Variants in NRXN3 observed in about 807,000 individuals in gnomAD.
NRXN3 encodes the protein neurexin 3, also known as neurexin III.
NRXN3 carries 32 observed loss-of-function variants against 137.6 expected under a neutral mutation model. That is an observed-to-expected ratio of 0.23 (90% CI 0.18 to 0.31). The LOEUF (loss-of-function observed/expected upper bound fraction) is 0.31. NRXN3 is among the 10% of genes least tolerant of loss of function. The probability of loss-of-function intolerance (pLI) is 1.00; values close to 1 mark genes in which losing one functional copy is unlikely to be tolerated. For missense variants in NRXN3, 1,574 were observed against 2,062.5 expected, an observed-to-expected ratio of 0.76 and a Z score of 4.59; for synonymous variants, 798 against 784.5, an observed-to-expected ratio of 1.02 and a Z score of -0.29.
intron 16 of NRXN3, among the ~76,000 whole-genome samples, chr14:79,654,862 T>C (rs975219412): frequency 4.6e-5 from 7 of 152,340 alleles, no homozygotes; most frequent in South Asian, 2.1e-4. Context: ...CCATTTACCT[T>C]GAAGCCATAA....
intron 17 of NRXN3, among the ~76,000 whole-genome samples, chr14:79,679,198 A>T (rs568414886): frequency 5.9e-5 from 9 of 152,234 alleles, no homozygotes; most frequent in African/African-American, 2.2e-4. Context: ...TATGGCACAT[A>T]CAAAAGCATG....
chr14:79,618,054 G>A (rs1029398535), intron 16 of NRXN3, among the ~76,000 whole-genome samples: 14 of 151,924 alleles, frequency 9.2e-5, no homozygotes, highest in Non-Finnish European at 1.6e-4. Context: ...GTTTACTTGG[G>A]TTTTTAATAT....
chr14:79,715,112 C>G (rs1453029553), intron 19 of NRXN3, among the ~76,000 whole-genome samples: 2 of 152,118 alleles, frequency 1.3e-5, no homozygotes, highest in Non-Finnish European at 2.9e-5. Context: ...CACCACCGCA[C>G]CTGGCCAATT....
intron 16 of NRXN3, among the ~76,000 whole-genome samples, chr14:79,512,214 G>A (rs949229628): frequency 2.0e-5 from 3 of 152,112 alleles, no homozygotes; most frequent in East Asian, 1.9e-4. Flanking sequence ...ATAAATAGAT[G>A]TATCAATTGT....
At chr14:79,398,938 A>G (rs57000954) in intron 15 of NRXN3, among the ~76,000 whole-genome samples, 3,068 of 142,138 alleles carry the variant, frequency 0.022, 51 homozygotes, top group East Asian at 0.045. Context: ...TGAACCTGGG[A>G]AGTGGAGTTG....
At chr14:79,343,116 G>A (rs2092697186) in intron 15 of NRXN3, among the ~76,000 whole-genome samples, 1 of 152,042 alleles carries the variant, frequency 6.6e-6, no homozygotes, top group Non-Finnish European at 1.5e-5. Flanking sequence ...TCCTGTGCAA[G>A]GTCTGCAAAA....
At chr14:78,617,916 T>C (rs1263528473) in intron 4 of NRXN3, among the ~76,000 whole-genome samples, 2 of 146,668 alleles carry the variant, frequency 1.4e-5, no homozygotes, top group African/African-American at 5.0e-5. Flanking sequence ...TTGAAAGTAA[T>C]GGCAAAAACC....
intron 4 of NRXN3, among the ~76,000 whole-genome samples, chr14:78,384,351 A>G (rs2366154): frequency 0.98 from 149,211 of 152,112 alleles, 73,224 homozygotes; most frequent in Non-Finnish European, 1. Context: ...ACTCCAAGAT[A>G]AGGAGAGGCT....
chr14:79,119,052 C>T (rs1330366374), intron 15 of NRXN3, among the ~76,000 whole-genome samples: 1 of 152,066 alleles, frequency 6.6e-6, no homozygotes, highest in Non-Finnish European at 1.5e-5. Flanking sequence ...TTTTAAAACC[C>T]AAATTTTGTT....
intron 16 of NRXN3, among the ~76,000 whole-genome samples, chr14:79,592,761 A>C (rs2097819267): frequency 6.6e-6 from 1 of 152,216 alleles, no homozygotes; most frequent in African/African-American, 2.4e-5. Context: ...TTTAATTTAA[A>C]GTATAAGTCA....
At chr14:79,162,297 C>CCAG (rs1256968044) in intron 15 of NRXN3, among the ~76,000 whole-genome samples, 1 of 136,262 alleles carries the variant, frequency 7.3e-6, no homozygotes, top group Non-Finnish European at 1.6e-5. Flanking sequence ...CCCCCCTCCC[C>CCAG]TCACCCCACA....
At chr14:78,750,544 G>A (rs1478624645) in intron 8 of NRXN3, among the ~76,000 whole-genome samples, 1 of 152,166 alleles carries the variant, frequency 6.6e-6, no homozygotes, top group African/African-American at 2.4e-5. Context: ...AATTGAGGAA[G>A]CTGTATGTCA....
chr14:78,984,180 C>T (rs889479412), intron 14 of NRXN3, among the ~76,000 whole-genome samples: 4 of 151,932 alleles, frequency 2.6e-5, no homozygotes, highest in African/African-American at 9.7e-5. Flanking sequence ...CAAATAATAG[C>T]GTATTTTAAA....
At position 79,853,592 on chromosome 14, in the gene NRXN3, C is replaced by G. The variant is rs772180199; in HGVS notation, c.4094-7750C>G. The G allele has an allele frequency of 3.7e-6, 5 of 1,351,536 alleles. No homozygotes were observed. The East Asian group carries it at 1.8e-4, about 49-fold the overall frequency. The allele number at this position is 1,351,536 out of a possible 1,614,324, so 83.7% of individuals were successfully genotyped here. A position where few individuals can be genotyped will look rare whatever the true frequency, so the allele number is the denominator to read the frequency against. ...CCGTGCCGCCCTTACATGGACATGG[C>G]GACTCACTTACACATTTACTCCTAT... On this transcript the variant is annotated intron_variant, in intron 20 of 20. Coordinates refer to ENST00000335750, the MANE Select transcript of NRXN3 (RefSeq NM_001330195.2).
At chr14:79,425,443 C>A (rs149955699) in intron 15 of NRXN3, among the ~76,000 whole-genome samples, 4 of 152,298 alleles carry the variant, frequency 2.6e-5, no homozygotes, top group Admixed American at 6.5e-5. Context: ...GCAAAGACTA[C>A]TTGGGATATG....
At chr14:78,185,543 T>C (rs1017338746) in intron 1 of NRXN3, among the ~76,000 whole-genome samples, 1 of 152,208 alleles carries the variant, frequency 6.6e-6, no homozygotes, top group South Asian at 2.1e-4. Flanking sequence ...GGATGATCCC[T>C]ATTATAAGAA....
At chr14:79,388,607 C>T (rs1034743904) in intron 15 of NRXN3, among the ~76,000 whole-genome samples, 13 of 151,978 alleles carry the variant, frequency 8.6e-5, no homozygotes, top group Non-Finnish European at 1.8e-4. Context: ...GCTCACAGCC[C>T]TCGACTCATG....
At chr14:79,148,485 G>T (rs1327308879) in intron 15 of NRXN3, among the ~76,000 whole-genome samples, 1 of 152,146 alleles carries the variant, frequency 6.6e-6, no homozygotes, top group Non-Finnish European at 1.5e-5. Flanking sequence ...GCCCTCATGA[G>T]CCTGTTGGAC....
rs145838132 is a variant in NRXN3, at chr14:79,704,002, C to T, written c.4014+6065C>T. Among the ~76,000 whole-genome samples, 893 of 152,170 alleles carry T rather than the reference C, an allele frequency of 5.9e-3. 5 individuals are homozygous for T. The highest frequency in any genetic ancestry group is 0.02 in the Middle Eastern group (6 of 294). ...ACAATTTTGTTTATACTCATACAAA[C>T]TCACAAGGGCCTGGATTGTGAGTTC... On this transcript the variant is annotated intron_variant, in intron 19 of 20. Transcript: ENST00000335750.
Sources: gnomAD v4.1 joint callset for allele counts (sites outside exome capture counted in the v4.1 genomes callset) on GRCh38, gnomAD v4.1.1 for gene constraint, MANE v1.5 for transcripts, NCBI Gene and HGNC (gene_info 2026-07-23, HGNC 2026-07-21) for gene names.